The following KCNIP4 variants were observed in gnomAD, a reference collection of about 807,000 sequenced individuals.
KCNIP4 encodes Kv channel-interacting protein 4.
Under a neutral mutation model 34.0 loss-of-function variants are expected in KCNIP4, and 12 were observed. That is an observed-to-expected ratio of 0.35 (90% CI 0.23 to 0.57). The LOEUF (loss-of-function observed/expected upper bound fraction) is 0.57, where lower values mean the gene tolerates loss of function less well. KCNIP4 is among the 20% of genes least tolerant of loss of function. The probability of loss-of-function intolerance (pLI) is 0.83; values close to 1 mark genes in which losing one functional copy is unlikely to be tolerated. For synonymous variants in KCNIP4, 124 were observed against 102.2 expected (o/e 1.21, Z -1.29); for missense variants, 238 against 311.7 (o/e 0.76, Z 1.78).
rs534405347 is a variant in KCNIP4 at position 21,309,108 on chromosome 4, T to C, written c.62-426399A>G. ...TGGCTTTTGGAAGAAAAATAATGTTTATAAAATGAAAGATTAGTTTGCCCT... is the reference window on the plus strand; with the variant it reads ...TGGCTTTTGGAAGAAAAATAATGTTCATAAAATGAAAGATTAGTTTGCCCT... On this transcript the variant is annotated intron_variant, in intron 1 of 8. Coordinates refer to ENST00000382152, the MANE Select transcript of KCNIP4 (RefSeq NM_025221.6). 2.8e-4 allele frequency among the ~76,000 whole-genome samples: 43 copies of C among 152,312 alleles called. 1 individual carries two copies. The South Asian group carries it at 7.7e-3, about 27-fold the overall frequency.
At chr4:21,937,165 T>C (rs2109015211) in intron 1 of KCNIP4, among the ~76,000 whole-genome samples, 1 of 152,242 alleles carries the variant, frequency 6.6e-6, no homozygotes, top group East Asian at 1.9e-4. Flanking sequence ...AAATTTGGAC[T>C]CTGCATTTCC....
At chr4:21,907,886 A>C (rs1202242370) in intron 1 of KCNIP4, among the ~76,000 whole-genome samples, 1 of 152,198 alleles carries the variant, frequency 6.6e-6, no homozygotes. Context: ...AAAAATAATA[A>C]CAAAAGAATT....
chr4:21,091,193 C>T (rs148530482), intron 1 of KCNIP4, among the ~76,000 whole-genome samples: 77 of 152,166 alleles, frequency 5.1e-4, no homozygotes, highest in Non-Finnish European at 9.0e-4. Flanking sequence ...TTCATTCACT[C>T]AGCATTTATG....
At chr4:20,984,505 C>G (rs79466976) in intron 1 of KCNIP4, among the ~76,000 whole-genome samples, 2,124 of 152,296 alleles carry the variant, frequency 0.014, 46 homozygotes, top group African/African-American at 0.043. Context: ...CTGGTGCCTA[C>G]AGGCCCTTCC....
chr4:21,015,249 C>G (rs1034085860), intron 1 of KCNIP4, among the ~76,000 whole-genome samples: 7 of 150,334 alleles, frequency 4.7e-5, no homozygotes, highest in Non-Finnish European at 7.4e-5. Context: ...TGCCACTGAA[C>G]TGAACACTTA....
At chr4:21,281,495 G>A (rs192972503) in intron 1 of KCNIP4, among the ~76,000 whole-genome samples, 2 of 152,290 alleles carry the variant, frequency 1.3e-5, no homozygotes, top group African/African-American at 4.8e-5. Context: ...CAAGTTTAGA[G>A]CAGTGACAGA....
intron 1 of KCNIP4, among the ~76,000 whole-genome samples, chr4:21,131,123 C>A (rs1422228153): frequency 6.6e-6 from 1 of 152,086 alleles, no homozygotes; most frequent in African/African-American, 2.4e-5. Context: ...CATAGTGGCA[C>A]ATTTTTAATA....
chr4:20,786,914 G>C (rs911485092), intron 3 of KCNIP4, among the ~76,000 whole-genome samples: 1 of 152,008 alleles, frequency 6.6e-6, no homozygotes, highest in Non-Finnish European at 1.5e-5. Context: ...AACGTAAGAC[G>C]GGCCCGATAA....
intron 1 of KCNIP4, among the ~76,000 whole-genome samples, chr4:21,832,591 TTTTTA>T (rs1335199184): frequency 1.4e-4 from 13 of 96,018 alleles, no homozygotes; most frequent in Admixed American, 4.0e-4. Context: ...TTTATTTTTT[TTTTTA>T]TTATTATCAT....
intron 3 of KCNIP4, among the ~76,000 whole-genome samples, chr4:20,830,129 T>C (rs185956781): frequency 6.6e-6 from 1 of 152,294 alleles, no homozygotes; most frequent in Admixed American, 6.5e-5. Flanking sequence ...CTGAGATACA[T>C]AGGCTAAATG....
In KCNIP4 at chr4:21,855,093, C is replaced by A. The variant is rs539212951; in HGVS notation, c.61+93478G>T. 3.3e-5 allele frequency among the ~76,000 whole-genome samples: 5 copies of A among 152,310 alleles called. No individual in the cohort carries two copies. The East Asian group carries it at 9.7e-4, about 29-fold the overall frequency. On this transcript the variant is annotated intron_variant, in intron 1 of 8. Coordinates refer to ENST00000382152, the MANE Select transcript of KCNIP4 (RefSeq NM_025221.6). ...CCCAGGATTTTAAAGGTCATTTAAA[C>A]ATCGTCTTTAAGCAACAGACAGAAT...
chr4:21,316,097 T>C (rs1459610473), intron 1 of KCNIP4, among the ~76,000 whole-genome samples: 1 of 152,200 alleles, frequency 6.6e-6, no homozygotes, highest in Non-Finnish European at 1.5e-5. Flanking sequence ...ATCCTTCCAC[T>C]TGGGTGGAGG....
chr4:21,537,102 CTT>C (rs1241639756), intron 1 of KCNIP4, among the ~76,000 whole-genome samples: 1 of 152,042 alleles, frequency 6.6e-6, no homozygotes, highest in Non-Finnish European at 1.5e-5. Context: ...TGTGGCCACA[CTT>C]TACATTCATT....
chr4:20,998,041 G>A (rs547294148), intron 1 of KCNIP4, among the ~76,000 whole-genome samples: 2 of 152,308 alleles, frequency 1.3e-5, no homozygotes, highest in South Asian at 2.1e-4. Context: ...GGGCCAGAGT[G>A]AGAGAGAAGA....
At position 21,604,447 on chromosome 4, in the gene KCNIP4, G is replaced by C. The variant is rs114397054; in HGVS notation, c.61+344124C>G. On this transcript the variant is annotated intron_variant, in intron 1 of 8. Coordinates refer to ENST00000382152, the MANE Select transcript of KCNIP4 (RefSeq NM_025221.6). ...TTTTACCTAGGGTTGTGTGATTTCAGTATAAAAGACTTATTAAACATTGTA... is the reference window on the plus strand; with the variant it reads ...TTTTACCTAGGGTTGTGTGATTTCACTATAAAAGACTTATTAAACATTGTA... Among the ~76,000 whole-genome samples the C allele has an allele frequency of 4.5e-3, 687 of 152,264 alleles. 8 individuals are homozygous for C. The highest frequency in any genetic ancestry group is 0.016 in the African/African-American group (654 of 41,564).
chr4:21,322,685 G>T (rs1472498262), intron 1 of KCNIP4, among the ~76,000 whole-genome samples: 1 of 151,934 alleles, frequency 6.6e-6, no homozygotes, highest in Non-Finnish European at 1.5e-5. Flanking sequence ...AAGTGAATCC[G>T]AAGTTTAATG....
At chr4:21,009,339 CA>C (rs1182843375) in intron 1 of KCNIP4, among the ~76,000 whole-genome samples, 3 of 152,152 alleles carry the variant, frequency 2.0e-5, no homozygotes, top group Non-Finnish European at 4.4e-5. Context: ...AAGTGAGTGT[CA>C]ATAAACCCTG....
intron 1 of KCNIP4, among the ~76,000 whole-genome samples, chr4:21,661,320 G>A (rs1211981318): frequency 6.6e-6 from 1 of 152,118 alleles, no homozygotes; most frequent in Non-Finnish European, 1.5e-5. Flanking sequence ...CAGTGGGTAC[G>A]GGAACCCAAA....
chr4:21,234,049 AACACATAAC>A (rs1177667632), intron 1 of KCNIP4, among the ~76,000 whole-genome samples: 3 of 114,730 alleles, frequency 2.6e-5, no homozygotes, highest in Non-Finnish European at 4.7e-5. Context: ...TAACATATAT[AACACATAAC>A]ATATATAACA....
Sources: gnomAD v4.1 joint callset for allele counts (sites outside exome capture counted in the v4.1 genomes callset) on GRCh38, gnomAD v4.1.1 for gene constraint, MANE v1.5 for transcripts, NCBI Gene and HGNC (gene_info 2026-07-23, HGNC 2026-07-21) for gene names.